Variants in CTR9 observed in about 807,000 individuals in gnomAD.
CTR9 encodes the protein CTR9 component of Paf1/RNA polymerase II complex.
Under a neutral mutation model 152.1 loss-of-function variants are expected in CTR9, and 41 were observed. That is an observed-to-expected ratio of 0.27 (90% confidence interval 0.21 to 0.35). The LOEUF is 0.35. Ranked by LOEUF, CTR9 falls within the 10% of genes least tolerant of loss-of-function variation. The pLI is 1.00. For synonymous variants in CTR9, 476 were observed against 496.2 expected (o/e 0.96, Z 0.54); for missense variants, 917 against 1,424.4 (o/e 0.64, Z 5.73).
chr11:10,767,678 GAAAA>G lies in CTR9; in HGVS notation c.1687-127_1687-124del. 2.5e-6 allele frequency: 2 copies of G among 785,348 alleles called. No individual in the cohort carries two copies. The highest frequency in any genetic ancestry group is 4.0e-6 in the Non-Finnish European group (2 of 500,808). The allele number at this position is 785,348 out of a possible 1,614,324, so 48.6% of individuals were successfully genotyped here. A position where few individuals can be genotyped will look rare whatever the true frequency, so the allele number is the denominator to read the frequency against. On this transcript the variant is annotated intron_variant, in intron 13 of 24. Transcript: ENST00000361367. This position sits in a 1 kb window ranked among gnomAD's most constrained non-coding sequence, Gnocchi z 4.0. ...CCATGCAAAAAAAAAAAGAAAGAAA[GAAAA>G]GAAAGAAAACCACTGTTGTAATATA...
intron 21 of CTR9, among the ~76,000 whole-genome samples, chr11:10,773,762 G>A (rs1442549991): frequency 6.6e-6 from 1 of 151,836 alleles, no homozygotes; most frequent in Non-Finnish European, 1.5e-5. Context: ...ATGCATGCCT[G>A]TAGTCCCAGC....
chr11:10,775,879 C>T lies in CTR9; in HGVS notation c.3095+246C>T, dbSNP rs1273976188. Among the ~76,000 whole-genome samples the T allele has an allele frequency of 2.0e-5, 3 of 152,084 alleles. No homozygotes were observed. In the East Asian group the frequency reaches 5.8e-4, roughly 29 times the overall value. On this transcript the variant is annotated intron_variant, in intron 24 of 24. Coordinates refer to ENST00000361367, the MANE Select transcript of CTR9 (RefSeq NM_014633.5). Reference sequence around the variant, plus strand: ...AAGAAACTTGACCCTGTCATTTTGTCCTACTACATCTTTTCTCTCAAATAA... The same window carrying T: ...AAGAAACTTGACCCTGTCATTTTGTTCTACTACATCTTTTCTCTCAAATAA...
chr11:10,768,351 T>C lies in CTR9; in HGVS notation c.1969T>C (p.Leu657=), dbSNP rs1863091431. ...LYAANGIGAV[L]AHKGYFREAR... is the part of the protein sequence containing the mutation. ...CCTTTTTATATCTTTAGGAGCTGTT[T>C]TGGCCCACAAAGGATATTTTCGTGA... is the stretch of plus-strand genomic sequence containing the variant. Residue 657 remains leucine, a synonymous_variant, in exon 16 of 25, where the codon TTG becomes CTG. Coordinates refer to ENST00000361367, the MANE Select transcript of CTR9 (RefSeq NM_014633.5). 6.2e-7 allele frequency: 1 copy of C among 1,612,532 alleles called. No individual in the cohort carries two copies.
intron 20 of CTR9, among the ~76,000 whole-genome samples, chr11:10,772,860 CTA>C (rs1863166498): frequency 1.3e-5 from 2 of 151,986 alleles, no homozygotes. Flanking sequence ...AACCCCGTCT[CTA>C]CTAAAAATAC....
In CTR9 at chr11:10,761,988, C is replaced by T. The variant is rs556522820; in HGVS notation, c.783C>T (p.Ala261=). Residue 261 remains alanine (A), a synonymous_variant, in exon 7 of 25, where the codon GCC becomes GCT. Coordinates refer to ENST00000361367, the MANE Select transcript of CTR9 (RefSeq NM_014633.5). ...IKNGVQLLSR[A]YTIDPSNPMV... ...ATGGTGTCCAGCTTCTTTCCAGAGC[C>T]TATACTATTGATCCTAGCAACCCTA... is the stretch of plus-strand genomic sequence containing the variant. 6.2e-7 allele frequency: 1 copy of T among 1,611,274 alleles called. No homozygotes were observed. Among genetic ancestry groups the T allele is most frequent in the South Asian group, 1.1e-5 (1 of 90,384 alleles).
chr11:10,765,244 C>T (rs1412256367), intron 12 of CTR9, among the ~76,000 whole-genome samples: 1 of 152,088 alleles, frequency 6.6e-6, no homozygotes, highest in East Asian at 1.9e-4. Flanking sequence ...TTTGGGAGGC[C>T]ACTGCAGCGG....
At chr11:10,772,388 T>TA in intron 19 of CTR9, 132 bp from the exon 20 acceptor site, 3 of 779,494 alleles carry the variant, frequency 3.8e-6, no homozygotes, top group South Asian at 6.1e-5. Context: ...AACATTTTTT[T>TA]AAAAAAAGAC....
chr11:10,770,599 T>G lies in CTR9; in HGVS notation c.2339T>G (p.Leu780Arg). 6.2e-7 allele frequency: 1 copy of G among 1,612,408 alleles called. No individual in the cohort carries two copies. Among genetic ancestry groups the G allele is most frequent in the Non-Finnish European group, 8.5e-7 (1 of 1,179,650 alleles). ...GAAAAAAGTAATCTGAAGGAAGTAC[T>G]TAATGCTGTGAAAGAACTGGAGCTT... The part of the protein sequence containing the change: ...KDEKSNLKEV[L>R]NAVKELELAH... Residue 780 changes from leucine (L) to arginine (R), a missense_variant, in exon 18 of 25, where the codon CTT (leucine) becomes CGT (arginine). Leu to Arg is a moderately radical substitution (Grantham distance 102). Around this residue, in one of 9 missense-constraint regions of CTR9, gnomAD observed 106 missense variants for 157.8 expected, o/e 0.67. Coordinates refer to ENST00000361367, the MANE Select transcript of CTR9 (RefSeq NM_014633.5).
chr11:10,774,159 A>C lies in CTR9; in HGVS notation c.2875A>C (p.Lys959Gln). ...GGAGGGTGGTGAGAGAAAGAAGAAA[A>C]AGAGGAGAAGGTAATGTCATCATTA... is the stretch of plus-strand genomic sequence containing the variant. Reference protein sequence around the residue: ...DEEGGERKKKKRRRHPKGEEG... With the variant: ...DEEGGERKKKQRRRHPKGEEG... The change falls in exon 22 of 25, where the codon AAG (lysine) becomes CAG (glutamine). Residue 959 changes from lysine (K) to glutamine (Q), a missense_variant. This residue lies in a region of CTR9 where 384 missense variants were observed against 398.4 expected (regional missense o/e 0.96). Coordinates refer to ENST00000361367, the MANE Select transcript of CTR9 (RefSeq NM_014633.5). 1 of 1,609,248 alleles carries C rather than the reference A, an allele frequency of 6.2e-7. No individual in the cohort carries two copies. Among genetic ancestry groups the C allele is most frequent in the African/African-American group, 1.3e-5 (1 of 74,670 alleles).
chr11:10,755,562 A>G (rs1222868255), intron 3 of CTR9, 116 bp from the exon 4 acceptor site: 3 of 637,936 alleles, frequency 4.7e-6, no homozygotes, highest in Non-Finnish European at 8.2e-6. Flanking sequence ...TAAGCACGTT[A>G]CATTTGATAG....
At chr11:10,770,662 A>ACAT in intron 18 of CTR9, 30 bp downstream of exon 18, 1 of 1,593,486 alleles carries the variant, frequency 6.3e-7, no homozygotes, top group Middle Eastern at 1.7e-4. Flanking sequence ...AACCTATGAA[A>ACAT]TGCTTTATTT....
At chr11:10,762,568 G>A (rs868150321) in intron 7 of CTR9, among the ~76,000 whole-genome samples, 4 of 152,312 alleles carry the variant, frequency 2.6e-5, no homozygotes, top group Middle Eastern at 6.8e-3. Flanking sequence ...TTCAGATAGT[G>A]GAGCATTTTT....
chr11:10,777,535 T>C (rs572383890), intron 24 of CTR9, among the ~76,000 whole-genome samples: 1 of 152,350 alleles, frequency 6.6e-6, no homozygotes, highest in South Asian at 2.1e-4. Context: ...GAGACATGCA[T>C]GATCAGTGTA....
chr11:10,762,058 G>A lies in CTR9; in HGVS notation c.849+4G>A, dbSNP rs1039995559. The A allele has an allele frequency of 2.0e-6, 3 of 1,529,744 alleles. No homozygotes were observed. Among genetic ancestry groups the A allele is most frequent in the African/African-American group, 1.4e-5 (1 of 71,988 alleles). The allele number at this position is 1,529,744 out of a possible 1,614,324, so 94.8% of individuals were successfully genotyped here. A position where few individuals can be genotyped will look rare whatever the true frequency, so the allele number is the denominator to read the frequency against. ...AAATCACTTTTTCTTCAAAAAGGTA[G>A]AAGTCATTTATTTTTAAATTCTGAT... On this transcript the variant is annotated splice_donor_region_variant and intron_variant, in intron 7 of 24. Coordinates refer to ENST00000361367, the MANE Select transcript of CTR9 (RefSeq NM_014633.5).
chr11:10,776,162 C>T (rs1014129899), intron 24 of CTR9, among the ~76,000 whole-genome samples: 1 of 152,000 alleles, frequency 6.6e-6, no homozygotes, highest in Non-Finnish European at 1.5e-5. Flanking sequence ...CTTGGCTTAC[C>T]GCAACCTCCA....
At chr11:10,759,047 G>T (rs1203096636) in intron 5 of CTR9, among the ~76,000 whole-genome samples, 1 of 152,158 alleles carries the variant, frequency 6.6e-6, no homozygotes, top group Non-Finnish European at 1.5e-5. Flanking sequence ...AATTGACAAA[G>T]TGAAGACAGC....
chr11:10,753,044 A>G (rs1411325974), intron 2 of CTR9, among the ~76,000 whole-genome samples: 1 of 152,190 alleles, frequency 6.6e-6, no homozygotes, highest in Non-Finnish European at 1.5e-5. Context: ...TGTTCAGTGA[A>G]GGCTGGCTTA....
chr11:10,774,222 C>CT, intron 22 of CTR9, 53 bp downstream of exon 22: 1 of 1,530,268 alleles, frequency 6.5e-7, no homozygotes, highest in Non-Finnish European at 8.7e-7. Context: ...GGTGAAAGAC[C>CT]TTTTACCTTC....
Position 10,762,205 on chromosome 11 carries a change from G to A in CTR9, c.849+151G>A. Reference sequence around the variant, plus strand: ...AGTTTGTTGTATTAGTTACCTGGGGGTACCTACATTTGTTTATTCATTTAT... The same window carrying A: ...AGTTTGTTGTATTAGTTACCTGGGGATACCTACATTTGTTTATTCATTTAT... On this transcript the variant is annotated intron_variant, in intron 7 of 24. Coordinates refer to ENST00000361367, the MANE Select transcript of CTR9 (RefSeq NM_014633.5). 5.0e-6 allele frequency: 3 copies of A among 596,816 alleles called. 1 individual carries two copies. Among genetic ancestry groups the A allele is most frequent in the Non-Finnish European group, 8.7e-6 (3 of 342,996 alleles). The allele number at this position is 596,816 out of a possible 1,614,324, so 37.0% of individuals were successfully genotyped here.
Sources: allele counts gnomAD v4.1 joint callset (sites outside exome capture counted in the v4.1 genomes callset), GRCh38; gene constraint gnomAD v4.1.1; regional missense constraint gnomAD v4.1.1; non-coding constraint Gnocchi (gnomAD v3.1); transcripts MANE v1.5; gene names NCBI Gene and HGNC (gene_info 2026-07-23, HGNC 2026-07-21).